The following PDCD4 variants were observed in gnomAD, a reference collection of about 807,000 sequenced individuals.
PDCD4 encodes programmed cell death protein 4.
PDCD4 carries 56 observed loss-of-function variants against 54.0 expected under a neutral mutation model. The observed-to-expected ratio is 1.04, with a 90% CI of 0.84 to 1.30. The LOEUF (loss-of-function observed/expected upper bound fraction) is 1.30. Ranked by LOEUF, PDCD4 falls within the 50% of genes most tolerant of loss-of-function variation. PDCD4 has a pLI of 0.00. For synonymous variants in PDCD4, 186 were observed against 194.8 expected (o/e 0.95, Z 0.37); for missense variants, 584 against 559.8 (o/e 1.04, Z -0.44).
chr10:110,894,256 C>T (rs564668849), intron 9 of PDCD4, 58 bp downstream of exon 9: 63 of 1,017,206 alleles, frequency 6.2e-5, no homozygotes, highest in African/African-American at 5.6e-4. Context: ...TGTACTGTAG[C>T]GACTTATGCT....
Position 110,898,137 on chromosome 10 carries a change from T to TTG in PDCD4, c.*51_*52dup. On this transcript the variant is annotated 3_prime_UTR_variant, in exon 12 of 12. Coordinates refer to ENST00000280154, the MANE Select transcript of PDCD4 (RefSeq NM_014456.5). ...GATGTTATAAAAATATATATCTGAA[T>TTG]TGTAAGAGTTGTTAGCACAAGTTTT... is the stretch of plus-strand genomic sequence containing the variant. 2 of 1,040,594 alleles carry TTG rather than the reference T, an allele frequency of 1.9e-6. No homozygotes were observed. The highest frequency in any genetic ancestry group is 2.7e-6 in the Non-Finnish European group (2 of 753,290). The allele number at this position is 1,040,594 out of a possible 1,614,324, so 64.5% of individuals were successfully genotyped here.
At chr10:110,879,639 C>T (rs564771550) in intron 2 of PDCD4, among the ~76,000 whole-genome samples, 62 of 145,652 alleles carry the variant, frequency 4.3e-4, no homozygotes, top group Middle Eastern at 7.3e-3. Flanking sequence ...GGTGACAGAG[C>T]GACACGCTGT....
At chr10:110,881,909 T>C (rs924634397) in intron 3 of PDCD4, among the ~76,000 whole-genome samples, 10 of 152,228 alleles carry the variant, frequency 6.6e-5, no homozygotes, top group African/African-American at 2.4e-4. Flanking sequence ...CTAATAAATA[T>C]ACATTTGATT....
At chr10:110,882,092 C>T (rs772196382) in intron 3 of PDCD4, among the ~76,000 whole-genome samples, 4 of 152,152 alleles carry the variant, frequency 2.6e-5, no homozygotes, top group East Asian at 1.9e-4. Context: ...AGTTTTCTGA[C>T]GATTTCATCA....
Position 110,885,355 on chromosome 10 carries a change from A to C in PDCD4, c.544A>C (p.Asn182His), listed in dbSNP as rs1845654435. ...IQEYFEHGDT[N>H]EVAEMLRDLN... ...GGAATATTTTGAGCATGGAGATACT[A>C]ATGAAGTTGCGGTAGGTTTAAAGTT... The change falls in exon 5 of 12, where the codon AAT (asparagine) becomes CAT (histidine). Residue 182 changes from asparagine (N) to histidine (H), a missense_variant. By Grantham distance (68) the Asn-to-His change is moderately conservative (BLOSUM62 1). Transcript: ENST00000280154. 1.3e-6 allele frequency: 2 copies of C among 1,526,700 alleles called. No individual in the cohort carries two copies. Among genetic ancestry groups the C allele is most frequent in the East Asian group, 4.6e-5 (2 of 43,494 alleles). The allele number at this position is 1,526,700 out of a possible 1,614,324, so 94.6% of individuals were successfully genotyped here.
At chr10:110,884,152 C>T (rs1325102993) in intron 4 of PDCD4, among the ~76,000 whole-genome samples, 1 of 152,182 alleles carries the variant, frequency 6.6e-6, no homozygotes, top group Non-Finnish European at 1.5e-5. Flanking sequence ...CTCCTGCTGT[C>T]CAGCTTCATC....
intron 2 of PDCD4, 55 bp from the exon 3 acceptor site, chr10:110,881,177 TA>T (rs1845584613): frequency 1.5e-6 from 2 of 1,311,232 alleles, no homozygotes; most frequent in South Asian, 1.3e-5. Context: ...ACTATATCTA[TA>T]AAACAGTAGA....
At chr10:110,878,390 G>GT (rs2082037646) in intron 2 of PDCD4, among the ~76,000 whole-genome samples, 1 of 152,174 alleles carries the variant, frequency 6.6e-6, no homozygotes, top group African/African-American at 2.4e-5. Flanking sequence ...CCAAGGGACA[G>GT]TTTAAGACAT....
At chr10:110,889,703 C>T in intron 7 of PDCD4, 73 bp downstream of exon 7, 1 of 832,810 alleles carries the variant, frequency 1.2e-6, no homozygotes, top group Non-Finnish European at 2.1e-6. Context: ...TGAAATGACA[C>T]TTGTGTTAAT....
chr10:110,885,019 C>T lies in PDCD4; in HGVS notation c.442-234C>T, dbSNP rs141823210. ...CTATGTTTCCCAGGCTAGTATTGAA[C>T]TCCAGGCCTCAAGTGAACCTCCCGC... On this transcript the variant is annotated intron_variant, in intron 4 of 11. Coordinates refer to ENST00000280154, the MANE Select transcript of PDCD4 (RefSeq NM_014456.5). The T allele has an allele frequency of 1.4e-4, 46 of 330,908 alleles. 1 individual carries two copies. The East Asian group carries it at 2.3e-3, about 17-fold the overall frequency. 20.5% of individuals were successfully genotyped at this position (330,908 alleles called of 1,614,324 possible).
At chr10:110,876,107 T>C (rs1359911171) in intron 2 of PDCD4, 37 bp downstream of exon 2, 24 of 1,547,460 alleles carry the variant, frequency 1.6e-5, no homozygotes, top group Admixed American at 1.4e-4. Context: ...TTTTCTTCGT[T>C]TTGAGACAGG....
At chr10:110,878,601 A>G (rs1243570950) in intron 2 of PDCD4, among the ~76,000 whole-genome samples, 1 of 152,136 alleles carries the variant, frequency 6.6e-6, no homozygotes, top group Non-Finnish European at 1.5e-5. Flanking sequence ...ATCTCTCTTT[A>G]CATTCACGCC....
At chr10:110,889,752 C>T in intron 7 of PDCD4, 122 bp downstream of exon 7, 1 of 654,662 alleles carries the variant, frequency 1.5e-6, no homozygotes, top group Non-Finnish European at 2.7e-6. Context: ...TCTCTATATT[C>T]TCCACTGTTA....
At chr10:110,891,307 T>C (rs1192774744) in intron 8 of PDCD4, among the ~76,000 whole-genome samples, 1 of 147,690 alleles carries the variant, frequency 6.8e-6, no homozygotes, top group African/African-American at 2.5e-5. Flanking sequence ...CTCGGGAGGC[T>C]GAGGCACCAG....
At chr10:110,883,629 A>T (rs1845625603) in intron 4 of PDCD4, among the ~76,000 whole-genome samples, 1 of 152,096 alleles carries the variant, frequency 6.6e-6, no homozygotes, top group Admixed American at 6.5e-5. Flanking sequence ...ACAAACTCAT[A>T]GGCAGTCTTG....
At chr10:110,896,554 T>A (rs1845835652) in intron 11 of PDCD4, among the ~76,000 whole-genome samples, 1 of 152,144 alleles carries the variant, frequency 6.6e-6, no homozygotes, top group Admixed American at 6.6e-5. Context: ...ATGTTCTCAC[T>A]AGAAAGTGTG....
chr10:110,879,817 T>C (rs1330897658), intron 2 of PDCD4, among the ~76,000 whole-genome samples: 2 of 152,190 alleles, frequency 1.3e-5, no homozygotes, highest in Admixed American at 6.5e-5. Flanking sequence ...TTGGCTCTAA[T>C]TGATGATTTT....
At chr10:110,874,210 A>G (rs1486154170) in intron 1 of PDCD4, among the ~76,000 whole-genome samples, 1 of 152,230 alleles carries the variant, frequency 6.6e-6, no homozygotes, top group Non-Finnish European at 1.5e-5. Context: ...TGTAAGGTAC[A>G]TTAAATAATA....
chr10:110,878,190 G>T (rs1191917742), intron 2 of PDCD4, among the ~76,000 whole-genome samples: 1 of 152,164 alleles, frequency 6.6e-6, no homozygotes, highest in Non-Finnish European at 1.5e-5. Context: ...CCAACAGTTA[G>T]GTGAGTATGA....
Sources: gnomAD v4.1 joint callset for allele counts (sites outside exome capture counted in the v4.1 genomes callset) on GRCh38, gnomAD v4.1.1 for gene constraint, MANE v1.5 for transcripts, NCBI Gene and HGNC (gene_info 2026-07-23, HGNC 2026-07-21) for gene names.